LIPA: variants seen among roughly 807,000 people sequenced by gnomAD.
LIPA encodes the protein lipase A, lysosomal acid type.
Under a neutral mutation model 40.6 loss-of-function variants are expected in LIPA, and 26 were observed. The ratio of observed to expected loss-of-function variants is 0.64; its 90% CI spans 0.47 to 0.89. The LOEUF is 0.89. Among genes scored for constraint, LIPA ranks in the 40% least tolerant of loss-of-function variants. The pLI is 0.00. For missense variants in LIPA, 455 were observed against 479.6 expected, an observed-to-expected ratio of 0.95 and a Z score of 0.48; for synonymous variants, 188 against 168.4, an observed-to-expected ratio of 1.12 and a Z score of -0.90.
chr10:89,371,956 G>C (rs1844093910), intron 2 of LIPA, among the ~76,000 whole-genome samples: 2 of 152,162 alleles, frequency 1.3e-5, no homozygotes, highest in Admixed American at 1.3e-4. Context: ...CATGGAAACA[G>C]AAAACAAGAT....
chr10:89,282,205 A>G (rs953684352), intron 1 of LIPA, among the ~76,000 whole-genome samples: 16 of 152,240 alleles, frequency 1.1e-4, no homozygotes, highest in Non-Finnish European at 2.4e-4. Context: ...TCCTGGAAGG[A>G]TCATCCAGAC....
chr10:89,338,374 T>C (rs1449024460), intron 1 of LIPA: 1 of 315,784 alleles, frequency 3.2e-6, no homozygotes, highest in Non-Finnish European at 5.9e-6. Flanking sequence ...GCTCAAGCAG[T>C]CGGTCAGAGG....
intron 1 of LIPA, among the ~76,000 whole-genome samples, chr10:89,294,986 A>G (rs1843403518): frequency 7.3e-6 from 1 of 136,696 alleles, no homozygotes; most frequent in Non-Finnish European, 1.6e-5. Flanking sequence ...TGAAAAGAAA[A>G]AAGAAAAAAA....
intron 1 of LIPA, among the ~76,000 whole-genome samples, chr10:89,277,199 G>T (rs955752113): frequency 1.3e-5 from 2 of 152,238 alleles, no homozygotes; most frequent in African/African-American, 2.4e-5. Context: ...CAGTAGGAAG[G>T]TTCGCTGGGA....
intron 1 of LIPA, chr10:89,284,139 C>G (rs1240795176): frequency 6.6e-6 from 1 of 152,222 alleles, no homozygotes; most frequent in Non-Finnish European, 1.5e-5. Context: ...GAGCCAGAGA[C>G]GAACGTCCCT....
chr10:89,384,257 G>C (rs757414343), intron 2 of LIPA: 4 of 1,614,178 alleles, frequency 2.5e-6, no homozygotes, highest in East Asian at 2.2e-5. Flanking sequence ...GGGCAAGATA[G>C]GGAAACTGTG....
At chr10:89,256,726 A>C (rs893209106), upstream of LIPA, among the ~76,000 whole-genome samples, 7 of 152,346 alleles carry the variant, frequency 4.6e-5, no homozygotes, top group Admixed American at 3.3e-4. Context: ...ATTTCACAAA[A>C]GTAAAAAGTG....
chr10:89,348,314 C>T (rs7907341), intron 2 of LIPA, among the ~76,000 whole-genome samples: 10,516 of 152,170 alleles, frequency 0.069, 907 homozygotes, highest in African/African-American at 0.2. Context: ...CTATTTTTTT[C>T]CATTGCGACA....
chr10:89,398,977 C>T (rs1006840520), intron 2 of LIPA, among the ~76,000 whole-genome samples: 2 of 152,106 alleles, frequency 1.3e-5, no homozygotes, highest in Admixed American at 6.5e-5. Flanking sequence ...GCACTTGCCC[C>T]CTTTTACATT....
intron 1 of LIPA, among the ~76,000 whole-genome samples, chr10:89,293,119 T>G (rs553296408): frequency 6.6e-6 from 1 of 152,312 alleles, no homozygotes; most frequent in Admixed American, 6.5e-5. Context: ...TCCCCCATAT[T>G]ATTCTCATGA....
At chr10:89,406,724 C>T (rs1189070591) in intron 2 of LIPA, among the ~76,000 whole-genome samples, 1 of 152,166 alleles carries the variant, frequency 6.6e-6, no homozygotes, top group East Asian at 1.9e-4. Context: ...TTGAAAGGAA[C>T]AAACTCTGGA....
upstream of LIPA, among the ~76,000 whole-genome samples, chr10:89,345,629 A>C (rs1310397795): frequency 6.6e-6 from 1 of 152,100 alleles, no homozygotes; most frequent in Non-Finnish European, 1.5e-5. Context: ...AACAAAACTT[A>C]GAAATATAAA....
At chr10:89,288,747 C>T (rs1234690606) in intron 1 of LIPA, among the ~76,000 whole-genome samples, 1 of 152,084 alleles carries the variant, frequency 6.6e-6, no homozygotes, top group African/African-American at 2.4e-5. Context: ...CCACTCTGCC[C>T]CCTCCATTAT....
chr10:89,352,132 T>C (rs1843962584), intron 2 of LIPA, among the ~76,000 whole-genome samples: 3 of 152,164 alleles, frequency 2.0e-5, no homozygotes, highest in South Asian at 4.1e-4. Flanking sequence ...AGAGGACACA[T>C]TCCTTTATTG....
At chr10:89,380,913 C>G (rs1356631741) in intron 2 of LIPA, among the ~76,000 whole-genome samples, 1 of 152,146 alleles carries the variant, frequency 6.6e-6, no homozygotes. Context: ...GATGAACAAC[C>G]ACCTATAAGA....
At chr10:89,305,712 CCT>C (rs1429662939) in intron 1 of LIPA, among the ~76,000 whole-genome samples, 3 of 152,108 alleles carry the variant, frequency 2.0e-5, no homozygotes, top group Non-Finnish European at 2.9e-5. Context: ...TTCATGAAAA[CCT>C]AGCCACAGAC....
At chr10:89,389,607 G>A (rs571400623) in intron 2 of LIPA, among the ~76,000 whole-genome samples, 1 of 152,256 alleles carries the variant, frequency 6.6e-6, no homozygotes, top group South Asian at 2.1e-4. Flanking sequence ...AATTTCTATG[G>A]AGCCCATTCC....
intron 3 of LIPA, among the ~76,000 whole-genome samples, chr10:89,235,627 C>A (rs1437166291): frequency 6.6e-6 from 1 of 152,186 alleles, no homozygotes; most frequent in Non-Finnish European, 1.5e-5. Context: ...AAGGCACTGG[C>A]CTTCTCTGCC....
At chr10:89,319,759 A>C (rs1479472028) in intron 1 of LIPA, among the ~76,000 whole-genome samples, 2 of 152,220 alleles carry the variant, frequency 1.3e-5, no homozygotes, top group Non-Finnish European at 2.9e-5. Flanking sequence ...AACACAACAA[A>C]AAAAGAGAAT....
Sources: gnomAD v4.1 joint callset for allele counts (sites outside exome capture counted in the v4.1 genomes callset) on GRCh38, gnomAD v4.1.1 for gene constraint, MANE v1.5 for transcripts, NCBI Gene and HGNC (gene_info 2026-07-23, HGNC 2026-07-21) for gene names.